SVOPL: variants seen among roughly 807,000 people sequenced by gnomAD.
The protein encoded by SVOPL is SVOP like.
Under a neutral mutation model 61.0 loss-of-function variants are expected in SVOPL, and 60 were observed. The observed-to-expected ratio is 0.98, with a 90% CI of 0.80 to 1.22. The LOEUF is 1.22. Among genes scored for constraint, SVOPL ranks in the 50% most tolerant of loss-of-function variants. SVOPL has a pLI of 0.00. For missense variants in SVOPL, 662 were observed against 643.9 expected (o/e 1.03, Z -0.30); for synonymous variants, 279 against 250.0 (o/e 1.12, Z -1.09).
intron 15 of SVOPL, among the ~76,000 whole-genome samples, chr7:138,594,914 G>GTA (rs529710430): frequency 5.6e-4 from 85 of 151,004 alleles, no homozygotes; most frequent in African/African-American, 2.0e-3. Context: ...GTGTGTCTGT[G>GTA]TATATATATA....
Position 138,632,160 on chromosome 7 carries a change from G to A in SVOPL, c.790-2038C>T, listed in dbSNP as rs188062340. ...GAGATGTCTGTGGAGGGCCAGACAC[G>A]GTGGTTCATGCCTGTGATCCCAGAA... On this transcript the variant is annotated intron_variant, in intron 9 of 15. Transcript: ENST00000674285. 4.6e-3 allele frequency among the ~76,000 whole-genome samples: 695 copies of A among 152,304 alleles called. 5 individuals are homozygous for A. Among genetic ancestry groups the A allele is most frequent in the Non-Finnish European group, 6.6e-3 (452 of 68,036 alleles).
intron 9 of SVOPL, among the ~76,000 whole-genome samples, chr7:138,636,130 A>C (rs1427334288): frequency 6.6e-6 from 1 of 151,978 alleles, no homozygotes; most frequent in Admixed American, 6.6e-5. Flanking sequence ...AGGTTTCACC[A>C]TGTTGGTCAG....
chr7:138,690,144 C>A (rs186054685), intron 1 of SVOPL, among the ~76,000 whole-genome samples: 2 of 152,134 alleles, frequency 1.3e-5, no homozygotes, highest in East Asian at 3.9e-4. Flanking sequence ...TCTAGCCTCT[C>A]GAATCATGAA....
intron 10 of SVOPL, among the ~76,000 whole-genome samples, chr7:138,628,659 A>G (rs1007645610): frequency 6.6e-6 from 1 of 152,206 alleles, no homozygotes; most frequent in Non-Finnish European, 1.5e-5. Flanking sequence ...AACTCCAGTC[A>G]GCTGTGTATG....
chr7:138,615,847 T>A (rs1799272186), intron 14 of SVOPL, among the ~76,000 whole-genome samples: 1 of 145,302 alleles, frequency 6.9e-6, no homozygotes, highest in Non-Finnish European at 1.5e-5. Flanking sequence ...AAAGGAAAAA[T>A]TTTTTAAAAA....
chr7:138,617,317 T>C (rs888693711), intron 14 of SVOPL, among the ~76,000 whole-genome samples: 1 of 152,146 alleles, frequency 6.6e-6, no homozygotes, highest in Non-Finnish European at 1.5e-5. Flanking sequence ...TTATAGTCAT[T>C]AGGATATGTA....
At chr7:138,626,075 A>G in intron 12 of SVOPL, 25 bp from the exon 13 acceptor site, 1 of 1,612,956 alleles carries the variant, frequency 6.2e-7, no homozygotes, top group South Asian at 1.1e-5. Context: ...GCGGAGAGAA[A>G]TTATAAAAGG....
intron 10 of SVOPL, 128 bp downstream of exon 10, chr7:138,629,921 C>T (rs1800096387): frequency 1.4e-6 from 1 of 701,140 alleles, no homozygotes; most frequent in Non-Finnish European, 2.5e-6. Flanking sequence ...CAAAACATTG[C>T]TTGTCTTTGT....
chr7:138,629,031 A>G (rs1030792184), intron 10 of SVOPL, among the ~76,000 whole-genome samples: 1 of 152,040 alleles, frequency 6.6e-6, no homozygotes, highest in African/African-American at 2.4e-5. Context: ...AAATAAATAA[A>G]TTTTAAAACT....
rs1451194447 is a variant in SVOPL, at chr7:138,621,956, A to G, written c.1264-821T>C. On this transcript the variant is annotated intron_variant, in intron 13 of 15. Transcript: ENST00000674285. ...TATCTATCTATCTATGTATCTATCT[A>G]TCTATGTATCTATCTATGTATCTAT... 3.1e-4 allele frequency among the ~76,000 whole-genome samples: 47 copies of G among 149,510 alleles called. 3 individuals are homozygous for G. The highest frequency in any genetic ancestry group is 6.3e-4 in the South Asian group (3 of 4,728).
chr7:138,663,021 C>T (rs1036265951), intron 5 of SVOPL, 53 bp downstream of exon 5: 2 of 1,612,500 alleles, frequency 1.2e-6, no homozygotes, highest in African/African-American at 1.3e-5. Flanking sequence ...AAGGTTGCCC[C>T]CAAAAGAATA....
chr7:138,659,820 G>C (rs936994312), intron 6 of SVOPL, 44 bp downstream of exon 6: 35 of 1,534,802 alleles, frequency 2.3e-5, no homozygotes, highest in Non-Finnish European at 2.9e-5. Flanking sequence ...GGGCCTGCAG[G>C]GGTACACGTT....
intron 14 of SVOPL, among the ~76,000 whole-genome samples, chr7:138,619,954 A>T (rs1386988373): frequency 6.6e-6 from 1 of 152,180 alleles, no homozygotes; most frequent in African/African-American, 2.4e-5. Context: ...CTGCATGCTC[A>T]GGTGGAAATG....
At chr7:138,621,858 C>G (rs867333716) in intron 13 of SVOPL, among the ~76,000 whole-genome samples, 23,907 of 54,576 alleles carry the variant, frequency 0.44, 4,136 homozygotes, top group Non-Finnish European at 0.5. Context: ...ATCTATCTAT[C>G]TATCTATCTA....
Position 138,678,530 on chromosome 7 carries a change from C to T in SVOPL, c.83-5G>A, listed in dbSNP as rs1200481727. ...CCACGGTGAACGTCTTTGGCTCTAA[C>T]AACGAAAGACAAAGTGGAAAAAATT... On this transcript the variant is annotated splice_polypyrimidine_tract_variant and splice_region_variant and intron_variant, in intron 2 of 15. Coordinates refer to ENST00000674285, the MANE Select transcript of SVOPL (RefSeq NM_001139456.2). The T allele has an allele frequency of 9.0e-6, 14 of 1,551,684 alleles. No individual in the cohort carries two copies. Among genetic ancestry groups the T allele is most frequent in the Non-Finnish European group, 1.2e-5 (14 of 1,146,990 alleles).
At position 138,602,527 on chromosome 7, in the gene SVOPL, A is replaced by T. The variant is rs1315757252; in HGVS notation, c.1354-5997T>A. 2.0e-5 allele frequency among the ~76,000 whole-genome samples: 3 copies of T among 151,900 alleles called. 1 individual carries two copies. The highest frequency in any genetic ancestry group is 6.8e-3 in the Middle Eastern group (2 of 294). ...CATGTCTACATATATATTCACACAGATGTAGCTATATGCTGTAAAGAGGTG... is the reference window on the plus strand; with the variant it reads ...CATGTCTACATATATATTCACACAGTTGTAGCTATATGCTGTAAAGAGGTG... On this transcript the variant is annotated intron_variant, in intron 14 of 15. Coordinates refer to ENST00000674285, the MANE Select transcript of SVOPL (RefSeq NM_001139456.2).
At chr7:138,641,637 C>T (rs1262000599) in intron 9 of SVOPL, among the ~76,000 whole-genome samples, 2 of 142,926 alleles carry the variant, frequency 1.4e-5, no homozygotes, top group Non-Finnish European at 3.0e-5. Flanking sequence ...TGCCACTACA[C>T]TCCAGCCTGG....
At chr7:138,662,000 A>G in intron 5 of SVOPL, 3 of 985,376 alleles carry the variant, frequency 3.0e-6, no homozygotes, top group Non-Finnish European at 3.6e-6. Context: ...CGTTCCCCTA[A>G]CTCCAGAGGT....
intron 3 of SVOPL, among the ~76,000 whole-genome samples, chr7:138,674,846 A>C: frequency 7.6e-6 from 1 of 131,744 alleles, no homozygotes; most frequent in South Asian, 2.6e-4. Context: ...ACGGAGTGAG[A>C]CTCCATCTCA....
Sources: gnomAD v4.1 joint callset for allele counts (sites outside exome capture counted in the v4.1 genomes callset) on GRCh38, gnomAD v4.1.1 for gene constraint, MANE v1.5 for transcripts, NCBI Gene and HGNC (gene_info 2026-07-23, HGNC 2026-07-21) for gene names.